The following AGO1 variants were observed in gnomAD, a reference collection of about 807,000 sequenced individuals.
AGO1 encodes protein argonaute-1.
A neutral mutation model predicts 109.2 loss-of-function variants in AGO1; 11 were observed. That is an observed-to-expected ratio of 0.10 (90% CI 0.06 to 0.17). The LOEUF is 0.17. Among genes scored for constraint, AGO1 ranks in the 10% least tolerant of loss-of-function variants. The pLI is 1.00. For synonymous variants in AGO1, 422 were observed against 418.6 expected, an observed-to-expected ratio of 1.01 and a Z score of -0.10; for missense variants, 574 against 1,140.3, an observed-to-expected ratio of 0.50 and a Z score of 7.15.
At position 35,920,844 on chromosome 1, in the gene AGO1, AAGAG is replaced by A. The variant is rs1408443115; in HGVS notation, c.*1241_*1244del. 2 of 152,650 alleles carry A rather than the reference AAGAG, an allele frequency of 1.3e-5. No homozygotes were observed. The highest frequency in any genetic ancestry group is 2.9e-5 in the Non-Finnish European group (2 of 68,044). 9.5% of individuals were successfully genotyped at this position (152,650 alleles called of 1,614,324 possible). ...AACTCTTAGGTCTAAAATGAGAAAA[AAGAG>A]AGAAAACAAAATGTTATTTTTATAC... is the stretch of plus-strand genomic sequence containing the variant. On this transcript the variant is annotated 3_prime_UTR_variant, in exon 19 of 19. Transcript: ENST00000373204.
At position 35,893,344 on chromosome 1, in the gene AGO1, A is replaced by T. The variant is rs1381987218; in HGVS notation, c.512+66A>T. 6.5e-7 allele frequency: 1 copy of T among 1,531,458 alleles called. No homozygotes were observed. The highest frequency in any genetic ancestry group is 8.9e-7 in the Non-Finnish European group (1 of 1,129,382). The allele number at this position is 1,531,458 out of a possible 1,614,324, so 94.9% of individuals were successfully genotyped here. Reference sequence around the variant, plus strand: ...GAACTGCTGTCAGGGGAGGAGGGGGAGCACATATTAAGGTCCCACAGAGTG... The same window carrying T: ...GAACTGCTGTCAGGGGAGGAGGGGGTGCACATATTAAGGTCCCACAGAGTG... On this transcript the variant is annotated intron_variant, in intron 4 of 18. Transcript: ENST00000373204. This position sits in a 1 kb window ranked among gnomAD's most constrained non-coding sequence, Gnocchi z 5.6.
intron 8 of AGO1, among the ~76,000 whole-genome samples, chr1:35,899,242 A>C (rs1259205788): frequency 6.6e-6 from 1 of 152,238 alleles, no homozygotes; most frequent in Non-Finnish European, 1.5e-5. Context: ...AAGGCTGAAT[A>C]ATAGTCCGTT....
intron 8 of AGO1, among the ~76,000 whole-genome samples, chr1:35,896,482 C>T (rs1462215159): frequency 6.6e-6 from 1 of 150,402 alleles, no homozygotes; most frequent in Non-Finnish European, 1.5e-5. Context: ...CATGCCTCAG[C>T]CTCCAGTAGC....
At chr1:35,908,388 C>T (rs1476751793) in intron 12 of AGO1, among the ~76,000 whole-genome samples, 2 of 152,138 alleles carry the variant, frequency 1.3e-5, no homozygotes. Context: ...TTAAAATTCC[C>T]ATTCATTTCA....
At chr1:35,910,441 CA>C (rs1275224728) in intron 12 of AGO1, among the ~76,000 whole-genome samples, 1 of 151,912 alleles carries the variant, frequency 6.6e-6, no homozygotes, top group Non-Finnish European at 1.5e-5. Context: ...AGAAATCTTA[CA>C]TGTTTAGCTC....
chr1:35,918,530 G>T (rs1288864299), intron 17 of AGO1, 107 bp downstream of exon 17: 4 of 964,640 alleles, frequency 4.1e-6, no homozygotes, highest in Non-Finnish European at 6.7e-6. Flanking sequence ...AATTAGGATT[G>T]CTCTCTTTTC....
At chr1:35,872,506 T>C (rs1455788273) in intron 1 of AGO1, among the ~76,000 whole-genome samples, 1 of 152,172 alleles carries the variant, frequency 6.6e-6, no homozygotes, top group Non-Finnish European at 1.5e-5. Context: ...TCTTTAATCA[T>C]CCTAGCTAAG....
chr1:35,881,765 C>A (rs1557599651), upstream of AGO1, among the ~76,000 whole-genome samples: 9 of 152,316 alleles, frequency 5.9e-5, no homozygotes, highest in South Asian at 1.9e-3. Context: ...AAGTTCCCAG[C>A]CTCTGCATGG....
At position 35,888,747 on chromosome 1, in the gene AGO1, G is replaced by A. The variant is rs1645162853; in HGVS notation, c.209+137G>A. 1 of 935,698 alleles carries A rather than the reference G, an allele frequency of 1.1e-6. No individual in the cohort carries two copies. Among genetic ancestry groups the A allele is most frequent in the Non-Finnish European group, 1.6e-6 (1 of 641,342 alleles). The allele number at this position is 935,698 out of a possible 1,614,324, so 58.0% of individuals were successfully genotyped here. On this transcript the variant is annotated intron_variant, in intron 2 of 18. Transcript: ENST00000373204. This position sits in a 1 kb window ranked among gnomAD's most constrained non-coding sequence, Gnocchi z 4.1. ...TTTTTGAACGGGAGATGCCACGTCGGGTAAATGCTGAAAAATAGTCCAATT... is the reference window on the plus strand; with the variant it reads ...TTTTTGAACGGGAGATGCCACGTCGAGTAAATGCTGAAAAATAGTCCAATT...
chr1:35,901,740 T>C lies in AGO1; in HGVS notation c.1140+147T>C. 3 of 1,384,034 alleles carry C rather than the reference T, an allele frequency of 2.2e-6. No homozygotes were observed. The highest frequency in any genetic ancestry group is 3.0e-6 in the Non-Finnish European group (3 of 1,015,688). 85.7% of individuals were successfully genotyped at this position (1,384,034 alleles called of 1,614,324 possible). On this transcript the variant is annotated intron_variant, in intron 9 of 18. Coordinates refer to ENST00000373204, the MANE Select transcript of AGO1 (RefSeq NM_012199.5). The surrounding 1 kb of genome is among the most constrained non-coding windows in gnomAD (Gnocchi z 4.8). Reference sequence around the variant, plus strand: ...AGGCTGCTTTTGCTTCTTGACCGTATAGCTACTTTGCTTTCTGTCTCTTTT... The same window carrying C: ...AGGCTGCTTTTGCTTCTTGACCGTACAGCTACTTTGCTTTCTGTCTCTTTT...
At chr1:35,880,157 G>A (rs811114), upstream of AGO1, among the ~76,000 whole-genome samples, 35,617 of 152,068 alleles carry the variant, frequency 0.23, 6,873 homozygotes, top group East Asian at 0.69. Flanking sequence ...GAGGACAGCA[G>A]TGTATCTGAT....
At position 35,894,101 on chromosome 1, in the gene AGO1, C is replaced by A. The variant is rs1364687783; in HGVS notation, c.714C>A (p.Ile238=). 6.3e-7 allele frequency: 1 copy of A among 1,589,824 alleles called. No individual in the cohort carries two copies. The highest frequency in any genetic ancestry group is 8.6e-7 in the Non-Finnish European group (1 of 1,169,048). ...VIEFMCEVLD[I]RNIDEQPKPL... ...AGTTCATGTGTGAGGTGCTGGACAT[C>A]AGGAACATAGATGAGCAGCCCAAGC... The change falls in exon 6 of 19, where the codon ATC becomes ATA. Residue 238 remains isoleucine, a synonymous_variant. Coordinates refer to ENST00000373204, the MANE Select transcript of AGO1 (RefSeq NM_012199.5).
intron 11 of AGO1, 143 bp downstream of exon 11, chr1:35,902,480 T>A: frequency 8.8e-7 from 1 of 1,131,360 alleles, no homozygotes; most frequent in Non-Finnish European, 1.2e-6. Flanking sequence ...CTCAAACTTC[T>A]ACCAATTCTT....
At chr1:35,872,903 TTTTGTTTGTTTG>T (rs147468270) in intron 1 of AGO1, among the ~76,000 whole-genome samples, 11 of 151,782 alleles carry the variant, frequency 7.2e-5, no homozygotes, top group African/African-American at 9.7e-5. Flanking sequence ...TTTTCAGTTT[TTTTGTTTGTTTG>T]TTTGTTTGTT....
At position 35,876,264 on chromosome 1, in the gene AGO1, G is replaced by GT. The variant is rs1172131860; in HGVS notation, c.-201+6367dup. 1.5e-3 allele frequency among the ~76,000 whole-genome samples: 231 copies of GT among 150,574 alleles called. 1 individual carries two copies. Among genetic ancestry groups the GT allele is most frequent in the African/African-American group, 5.2e-3 (213 of 41,072 alleles). ...ATGAGGAAATCCTTTTTTTTTGTTT[G>GT]TTTTTTGTTTTTTTTTTTTTGAGAC... On this transcript the variant is annotated intron_variant, in intron 1 of 18. Transcript: ENST00000373206.
chr1:35,891,003 G>A (rs1324200197), intron 2 of AGO1, among the ~76,000 whole-genome samples: 1 of 152,160 alleles, frequency 6.6e-6, no homozygotes, highest in Non-Finnish European at 1.5e-5. Flanking sequence ...ACTCGAGGGT[G>A]GCCTTGCGTA....
Position 35,895,111 on chromosome 1 carries a change from C to A in AGO1, c.873-11C>A. ...GTTATGACACCCCCTTCCTTCCCTT[C>A]TTCTGAACAGATTCCCCTTACAGCT... On this transcript the variant is annotated splice_polypyrimidine_tract_variant and intron_variant, in intron 7 of 18. Coordinates refer to ENST00000373204, the MANE Select transcript of AGO1 (RefSeq NM_012199.5). 1 of 1,606,280 alleles carries A rather than the reference C, an allele frequency of 6.2e-7. No individual in the cohort carries two copies. The highest frequency in any genetic ancestry group is 1.7e-5 in the Admixed American group (1 of 59,082).
In AGO1 at chr1:35,901,346, A is replaced by T. The variant is rs551242021; in HGVS notation, c.1021-128A>T. Reference sequence around the variant, plus strand: ...TGATACTCAGGAGGAGAATACATGTATGCACAACGGATTTTGCAGTTCCCT... The same window carrying T: ...TGATACTCAGGAGGAGAATACATGTTTGCACAACGGATTTTGCAGTTCCCT... On this transcript the variant is annotated intron_variant, in intron 8 of 18. Transcript: ENST00000373204. This position sits in a 1 kb window ranked among gnomAD's most constrained non-coding sequence, Gnocchi z 4.8. 2 of 1,129,758 alleles carry T rather than the reference A, an allele frequency of 1.8e-6. No homozygotes were observed. Among genetic ancestry groups the T allele is most frequent in the African/African-American group, 1.6e-5 (1 of 64,254 alleles). 70.0% of individuals were successfully genotyped at this position (1,129,758 alleles called of 1,614,324 possible).
chr1:35,883,119 C>A (rs1465690979), upstream of AGO1: 1 of 1,089,802 alleles, frequency 9.2e-7, no homozygotes, highest in Non-Finnish European at 1.1e-6. This position sits in a 1 kb window ranked among gnomAD's most constrained non-coding sequence, Gnocchi z 5.4. Context: ...CCCGGTGCCC[C>A]CGCCCCTCTC....
Sources: gnomAD v4.1 joint callset for allele counts (sites outside exome capture counted in the v4.1 genomes callset) on GRCh38, gnomAD v4.1.1 for gene constraint, Gnocchi (gnomAD v3.1) non-coding constraint, MANE v1.5 for transcripts, NCBI Gene and HGNC (gene_info 2026-07-23, HGNC 2026-07-21) for gene names.